Variants in EYS observed in about 807,000 individuals in gnomAD.
The protein encoded by EYS is protein eyes shut homolog.
A neutral mutation model predicts 282.1 loss-of-function variants in EYS; 250 were observed. The ratio of observed to expected loss-of-function variants is 0.89; its 90% CI spans 0.80 to 0.98. EYS has a LOEUF of 0.98. EYS is among the 50% of genes least tolerant of loss of function. The pLI, the probability that EYS is intolerant of heterozygous loss-of-function variation, is 0.00. For synonymous variants in EYS, 1,355 were observed against 1,282.9 expected (o/e 1.06, Z -1.20); for missense variants, 4,016 against 3,709.0 (o/e 1.08, Z -2.15).
intron 2 of EYS, among the ~76,000 whole-genome samples, chr6:65,638,030 CAG>C (rs1767149912): frequency 1.3e-5 from 2 of 152,288 alleles, no homozygotes; most frequent in Non-Finnish European, 2.9e-5. Context: ...GTCCACTACC[CAG>C]AGTGAGAACT....
intron 11 of EYS, 131 bp downstream of exon 11, chr6:65,334,845 TGTAA>T (rs1769922807): frequency 1.4e-6 from 1 of 714,864 alleles, no homozygotes; most frequent in South Asian, 1.7e-5. Context: ...TATATGTATA[TGTAA>T]GTGTTTGTTA....
intron 31 of EYS, among the ~76,000 whole-genome samples, chr6:64,102,688 T>C (rs1486355629): frequency 1.3e-5 from 2 of 152,208 alleles, no homozygotes; most frequent in Non-Finnish European, 2.9e-5. Context: ...AACTTTTACA[T>C]AATGATTTTT....
intron 28 of EYS, among the ~76,000 whole-genome samples, chr6:64,428,272 A>G (rs2150457632): frequency 6.6e-6 from 1 of 152,096 alleles, no homozygotes; most frequent in East Asian, 1.9e-4. Flanking sequence ...ATATTTTTTC[A>G]TCTCTGTTTT....
chr6:64,231,755 T>C (rs1766432724), intron 30 of EYS, among the ~76,000 whole-genome samples: 1 of 152,170 alleles, frequency 6.6e-6, no homozygotes, highest in Admixed American at 6.5e-5. Context: ...TTATCAGAAA[T>C]CTTTATTCAT....
At chr6:63,723,866 A>T (rs77966177) in intron 42 of EYS, among the ~76,000 whole-genome samples, 1 of 150,614 alleles carries the variant, frequency 6.6e-6, no homozygotes, top group Non-Finnish European at 1.5e-5. Flanking sequence ...CTGTCCCCCA[A>T]GCTGGAGTGC....
chr6:65,500,231 T>C (rs916028438), intron 2 of EYS, among the ~76,000 whole-genome samples: 1 of 151,892 alleles, frequency 6.6e-6, no homozygotes, highest in South Asian at 2.1e-4. Context: ...CACAACATGA[T>C]TGCCAATAAG....
intron 5 of EYS, among the ~76,000 whole-genome samples, chr6:65,456,120 A>C (rs1193285667): frequency 6.6e-6 from 1 of 151,992 alleles, no homozygotes; most frequent in Non-Finnish European, 1.5e-5. Flanking sequence ...GATACAAAAA[A>C]TTTCAGCAAT....
At chr6:64,418,541 C>A (rs927220107) in intron 28 of EYS, among the ~76,000 whole-genome samples, 1 of 152,130 alleles carries the variant, frequency 6.6e-6, no homozygotes, top group African/African-American at 2.4e-5. Context: ...TTAATATCTA[C>A]GTGATTACCT....
intron 1 of EYS, among the ~76,000 whole-genome samples, chr6:65,691,512 T>C (rs1386251283): frequency 6.8e-6 from 1 of 147,278 alleles, no homozygotes; most frequent in Non-Finnish European, 1.5e-5. Context: ...ATTGCAAAAA[T>C]ATTCTCCCAT....
At chr6:64,500,510 T>A (rs772420216) in intron 26 of EYS, among the ~76,000 whole-genome samples, 1 of 152,072 alleles carries the variant, frequency 6.6e-6, no homozygotes, top group African/African-American at 2.4e-5. Context: ...ATTCAAACAA[T>A]GTGCATTTCT....
At chr6:63,827,444 T>G (rs1771501066) in intron 36 of EYS, among the ~76,000 whole-genome samples, 1 of 152,202 alleles carries the variant, frequency 6.6e-6, no homozygotes, top group Non-Finnish European at 1.5e-5. Flanking sequence ...ACAGAACATT[T>G]CATCCAACAA....
intron 12 of EYS, among the ~76,000 whole-genome samples, chr6:65,097,573 A>G (rs1189599988): frequency 2.0e-5 from 3 of 150,930 alleles, no homozygotes; most frequent in African/African-American, 7.3e-5. Flanking sequence ...ATTATTTACA[A>G]TAAGCAAGAT....
chr6:64,345,404 A>G (rs1475471611), intron 29 of EYS, among the ~76,000 whole-genome samples: 1 of 152,162 alleles, frequency 6.6e-6, no homozygotes, highest in African/African-American at 2.4e-5. Flanking sequence ...CTGCATATCT[A>G]CAACTATCTG....
chr6:64,533,300 T>C (rs1278721881), intron 26 of EYS, among the ~76,000 whole-genome samples: 1 of 152,132 alleles, frequency 6.6e-6, no homozygotes, highest in Non-Finnish European at 1.5e-5. Context: ...CTTGAAGAAG[T>C]ATGTAGTAAT....
At chr6:64,734,062 A>G (rs1469789944) in intron 22 of EYS, among the ~76,000 whole-genome samples, 1 of 152,024 alleles carries the variant, frequency 6.6e-6, no homozygotes, top group Non-Finnish European at 1.5e-5. Flanking sequence ...CCTAGTAACA[A>G]TATTATATTG....
intron 29 of EYS, among the ~76,000 whole-genome samples, chr6:64,353,956 A>G (rs1771734416): frequency 6.6e-6 from 1 of 151,626 alleles, no homozygotes; most frequent in African/African-American, 2.4e-5. Flanking sequence ...TACAAAGAAC[A>G]GCAACTGGCA....
chr6:64,842,825 CTG>C (rs1765603304), intron 19 of EYS, among the ~76,000 whole-genome samples: 1 of 151,972 alleles, frequency 6.6e-6, no homozygotes, highest in Non-Finnish European at 1.5e-5. Context: ...TAAAAGCACT[CTG>C]TTTTAAAAGG....
At chr6:65,324,517 C>T (rs1769565318) in intron 11 of EYS, among the ~76,000 whole-genome samples, 1 of 152,184 alleles carries the variant, frequency 6.6e-6, no homozygotes, top group African/African-American at 2.4e-5. Flanking sequence ...ACCCTCTTCG[C>T]TTGCCTTGCT....
chr6:65,184,596 T>A (rs970836876), intron 12 of EYS, among the ~76,000 whole-genome samples: 1 of 150,940 alleles, frequency 6.6e-6, no homozygotes, highest in Non-Finnish European at 1.5e-5. Flanking sequence ...AAAAGGCTAA[T>A]GCATAAAAAT....
Sources: gnomAD v4.1 joint callset for allele counts (sites outside exome capture counted in the v4.1 genomes callset) on GRCh38, gnomAD v4.1.1 for gene constraint, MANE v1.5 for transcripts, NCBI Gene and HGNC (gene_info 2026-07-23, HGNC 2026-07-21) for gene names.